The following TXNDC12 variants were observed in gnomAD, a reference collection of about 807,000 sequenced individuals.
TXNDC12 encodes the protein thioredoxin domain containing 12.
TXNDC12 carries 22 observed loss-of-function variants against 24.2 expected under a neutral mutation model. The ratio of observed to expected loss-of-function variants is 0.91; its 90% CI spans 0.65 to 1.30. The LOEUF (loss-of-function observed/expected upper bound fraction) is 1.30. TXNDC12 is among the 50% of genes most tolerant of loss of function. TXNDC12 has a pLI of 0.00. For synonymous variants in TXNDC12, 58 were observed against 73.4 expected, an observed-to-expected ratio of 0.79 and a Z score of 1.07; for missense variants, 184 against 205.8, an observed-to-expected ratio of 0.89 and a Z score of 0.65.
At chr1:52,033,413 G>A (rs767006200) in intron 2 of TXNDC12, 3 of 1,451,354 alleles carry the variant, frequency 2.1e-6, no homozygotes, top group Non-Finnish European at 1.9e-6. Flanking sequence ...GCCACCTGAG[G>A]TCCCGCGATC....
chr1:52,038,849 G>A (rs1331744599), intron 2 of TXNDC12, among the ~76,000 whole-genome samples: 1 of 148,490 alleles, frequency 6.7e-6, no homozygotes, highest in Admixed American at 6.7e-5. Flanking sequence ...TTTTGCACCT[G>A]TTGGCATAGC....
intron 2 of TXNDC12, chr1:52,032,535 A>G: frequency 1.4e-6 from 2 of 1,390,080 alleles, no homozygotes; most frequent in Non-Finnish European, 1.9e-6. Flanking sequence ...TGTAAACCCA[A>G]GGCCTGGCAC....
intron 6 of TXNDC12, 100 bp from the exon 7 acceptor site, chr1:52,021,112 G>T (rs1685589519): frequency 2.2e-6 from 2 of 898,288 alleles, no homozygotes; most frequent in African/African-American, 3.3e-5. Flanking sequence ...AATATGAGAG[G>T]AGTACAAGAT....
chr1:52,036,672 C>T (rs1685887516), intron 2 of TXNDC12, among the ~76,000 whole-genome samples: 1 of 152,102 alleles, frequency 6.6e-6, no homozygotes, highest in Admixed American at 6.5e-5. Flanking sequence ...TAGAAGGGTC[C>T]ATGTTGTAAA....
At chr1:52,041,771 C>T (rs1446672850) in intron 1 of TXNDC12, among the ~76,000 whole-genome samples, 174 bp from the exon 2 acceptor site, 2 of 152,240 alleles carry the variant, frequency 1.3e-5, no homozygotes, top group Non-Finnish European at 2.9e-5. Flanking sequence ...CCTCAAGCCT[C>T]AGTTTTCATA....
At chr1:52,021,478 G>T (rs2124355034) in intron 6 of TXNDC12, among the ~76,000 whole-genome samples, 1 of 149,290 alleles carries the variant, frequency 6.7e-6, no homozygotes, top group South Asian at 2.1e-4. Flanking sequence ...AGGGGTGTGT[G>T]TGCTGGGGCG....
intron 4 of TXNDC12, among the ~76,000 whole-genome samples, chr1:52,026,665 C>A (rs1464897857): frequency 6.6e-6 from 1 of 152,084 alleles, no homozygotes; most frequent in Non-Finnish European, 1.5e-5. Context: ...TTTGGGAGGC[C>A]GAGGCAGGCA....
At chr1:52,037,356 G>C (rs2124377047) in intron 2 of TXNDC12, among the ~76,000 whole-genome samples, 1 of 152,182 alleles carries the variant, frequency 6.6e-6, no homozygotes, top group East Asian at 1.9e-4. Context: ...GGGATTACAG[G>C]CATGTGCCAC....
chr1:52,032,724 A>G (rs779679003), intron 2 of TXNDC12: 2 of 1,610,416 alleles, frequency 1.2e-6, no homozygotes, highest in Non-Finnish European at 1.7e-6. Context: ...TCAAATACTG[A>G]AGAAACATGT....
chr1:52,031,756 A>T (rs868460531), intron 2 of TXNDC12, among the ~76,000 whole-genome samples: 1 of 152,052 alleles, frequency 6.6e-6, no homozygotes, highest in Non-Finnish European at 1.5e-5. Context: ...TGGGATTACA[A>T]GTATGAGCCA....
chr1:52,053,435 C>T (rs758015947), intron 1 of TXNDC12, among the ~76,000 whole-genome samples: 42 of 152,154 alleles, frequency 2.8e-4, no homozygotes, highest in Middle Eastern at 3.4e-3. Flanking sequence ...GAGGCCGAGG[C>T]GGGCAGATCA....
chr1:52,032,898 C>G (rs145892168), intron 2 of TXNDC12: 1 of 1,612,694 alleles, frequency 6.2e-7, no homozygotes, highest in Non-Finnish European at 8.5e-7. Context: ...CGCTCTTCTG[C>G]GCTTCCATCA....
chr1:52,041,487 A>G (rs1201273248), intron 2 of TXNDC12, 50 bp downstream of exon 2: 1 of 1,335,192 alleles, frequency 7.5e-7, no homozygotes, highest in African/African-American at 1.4e-5. Flanking sequence ...TTAAGTTGAT[A>G]GCTGAAAAGT....
At chr1:52,041,800 C>T (rs1685997278) in intron 1 of TXNDC12, among the ~76,000 whole-genome samples, 1 of 152,196 alleles carries the variant, frequency 6.6e-6, no homozygotes, top group Admixed American at 6.5e-5. Context: ...ATGGAGACAC[C>T]ACCACCTAAT....
intron 2 of TXNDC12, chr1:52,032,117 A>G (rs1409003948): frequency 2.1e-6 from 2 of 956,340 alleles, no homozygotes; most frequent in East Asian, 2.3e-4. Flanking sequence ...CTATTTTAAA[A>G]GATTTTATTA....
intron 1 of TXNDC12, among the ~76,000 whole-genome samples, chr1:52,049,803 G>T (rs1686165327): frequency 6.6e-6 from 1 of 151,544 alleles, no homozygotes. Flanking sequence ...CTCCCAAACT[G>T]CTAGGATTAT....
chr1:52,020,963 G>C lies in TXNDC12; in HGVS notation c.489C>G (p.Phe163Leu). Residue 163 changes from phenylalanine to leucine, a missense_variant, in exon 7 of 7, where the codon TTC (phenylalanine) becomes TTG (leucine). Coordinates refer to ENST00000371626, the MANE Select transcript of TXNDC12 (RefSeq NM_015913.4). ...ATTCATCTTCAAGATGTTTCTTTCT[G>C]AAGGCATCACCCGTCAGCCTTTCCT... ...EAQERLTGDAFRKKHLEDEL is the reference protein window; with the variant it reads ...EAQERLTGDALRKKHLEDEL 5 of 1,614,044 alleles carry C rather than the reference G, an allele frequency of 3.1e-6. No individual in the cohort carries two copies. Among genetic ancestry groups the C allele is most frequent in the Non-Finnish European group, 2.5e-6 (3 of 1,179,922 alleles).
At position 52,028,578 on chromosome 1, in the gene TXNDC12, C is replaced by A; in HGVS notation, c.211G>T (p.Ala71Ser). 1 of 1,612,022 alleles carries A rather than the reference C, an allele frequency of 6.2e-7. No homozygotes were observed. The highest frequency in any genetic ancestry group is 8.5e-7 in the Non-Finnish European group (1 of 1,179,272). ...ATTTAGATTGAGCATTTGCACTTAC[C>A]TTTGCAAGCTCCACACCAGGATTTA... ...IHKSWCGACKALKPKFAESTE... is the reference protein window; with the variant it reads ...IHKSWCGACKSLKPKFAESTE... Residue 71 changes from alanine (A) to serine (S), a missense_variant and splice_region_variant, in exon 3 of 7, where the codon GCT becomes TCT. Ala to Ser is a moderately conservative substitution (Grantham distance 99). Coordinates refer to ENST00000371626, the MANE Select transcript of TXNDC12 (RefSeq NM_015913.4).
chr1:52,046,865 AAATATATAT>A (rs1306650263), intron 1 of TXNDC12, among the ~76,000 whole-genome samples: 568 of 30,148 alleles, frequency 0.019, 4 homozygotes, highest in African/African-American at 0.046. Flanking sequence ...AAAAAAAAAA[AAATATATAT>A]ATATATATAT....
Sources: allele counts gnomAD v4.1 joint callset (sites outside exome capture counted in the v4.1 genomes callset), GRCh38; gene constraint gnomAD v4.1.1; transcripts MANE v1.5; gene names NCBI Gene and HGNC (gene_info 2026-07-23, HGNC 2026-07-21).